Variants in RICTOR observed in about 807,000 individuals in gnomAD.
RICTOR encodes the protein RPTOR independent companion of MTOR complex 2.
RICTOR carries 49 observed loss-of-function variants against 214.9 expected under a neutral mutation model. That is an observed-to-expected ratio of 0.23 (90% CI 0.18 to 0.29). RICTOR has a LOEUF of 0.29. RICTOR is among the 10% of genes least tolerant of loss of function. RICTOR has a pLI of 1.00. For synonymous variants in RICTOR, 717 were observed against 711.3 expected (o/e 1.01, Z -0.13); for missense variants, 1,625 against 2,047.0 (o/e 0.79, Z 3.98).
chr5:39,073,338 G>A (rs1324808691), intron 2 of RICTOR, among the ~76,000 whole-genome samples: 1 of 152,196 alleles, frequency 6.6e-6, no homozygotes, highest in Non-Finnish European at 1.5e-5. Flanking sequence ...CTCTAGTACT[G>A]TAAGTGATAG....
At chr5:38,965,855 TA>T (rs1225306838) in intron 15 of RICTOR, among the ~76,000 whole-genome samples, 2 of 152,090 alleles carry the variant, frequency 1.3e-5, no homozygotes, top group Non-Finnish European at 2.9e-5. Context: ...AAACATCTGC[TA>T]AAAATAGCAA....
intron 3 of RICTOR, among the ~76,000 whole-genome samples, chr5:39,013,911 T>C (rs570339190): frequency 6.6e-6 from 1 of 152,242 alleles, no homozygotes; most frequent in Non-Finnish European, 1.5e-5. Context: ...TCTACAGTCA[T>C]GCACTGCATA....
At chr5:39,004,234 A>G (rs1439747093) in intron 3 of RICTOR, among the ~76,000 whole-genome samples, 1 of 151,900 alleles carries the variant, frequency 6.6e-6, no homozygotes, top group African/African-American at 2.4e-5. Context: ...TTAGTGTTTT[A>G]ATTTTAGACC....
intron 7 of RICTOR, among the ~76,000 whole-genome samples, chr5:38,990,517 T>TATATACACG (rs879859063): frequency 0.077 from 11,368 of 146,792 alleles, 680 homozygotes; most frequent in East Asian, 0.17. Context: ...ATATACACGA[T>TATATACACG]ATATATACGA....
intron 7 of RICTOR, among the ~76,000 whole-genome samples, chr5:38,987,648 C>T (rs1752276066): frequency 6.6e-6 from 1 of 151,868 alleles, no homozygotes; most frequent in Non-Finnish European, 1.5e-5. Flanking sequence ...TTAATCTTTT[C>T]AAAAAACCAG....
chr5:38,955,540 AT>A, intron 26 of RICTOR, 54 bp downstream of exon 26: 1 of 950,884 alleles, frequency 1.1e-6, no homozygotes, highest in Non-Finnish European at 1.7e-6. Flanking sequence ...AAACTCAGAA[AT>A]GTTAAAAATA....
intron 2 of RICTOR, among the ~76,000 whole-genome samples, chr5:39,036,879 C>T: frequency 6.6e-6 from 1 of 152,140 alleles, no homozygotes; most frequent in Non-Finnish European, 1.5e-5. Flanking sequence ...GAGACTTTAG[C>T]ACCCCACTGT....
Position 38,960,429 on chromosome 5 carries a change from T to C in RICTOR, c.1820A>G (p.Gln607Arg), listed in dbSNP as rs1434988459. Reference protein sequence around the residue: ...KAKQLTVVGCQFTEFLLESEE... With the variant: ...KAKQLTVVGCRFTEFLLESEE... ...AGATTCAAGAAGAAATTCTGTAAAC[T>C]GGCAACCTACAACCGTGAGCTGTTT... The change falls in exon 20 of 38, where the codon CAG becomes CGG. Residue 607 changes from glutamine to arginine, a missense_variant. Coordinates refer to ENST00000357387, the MANE Select transcript of RICTOR (RefSeq NM_152756.5). 2 of 1,613,884 alleles carry C rather than the reference T, an allele frequency of 1.2e-6. No homozygotes were observed. The highest frequency in any genetic ancestry group is 2.2e-5 in the East Asian group (1 of 44,870).
intron 3 of RICTOR, among the ~76,000 whole-genome samples, chr5:39,015,846 T>G (rs565021325): frequency 5.3e-5 from 8 of 152,136 alleles, no homozygotes; most frequent in Non-Finnish European, 1.2e-4. Context: ...TGTCAGGCAC[T>G]AGACTGAGAC....
chr5:39,045,411 A>C (rs1023411082), intron 2 of RICTOR, among the ~76,000 whole-genome samples: 2 of 152,150 alleles, frequency 1.3e-5, no homozygotes, highest in African/African-American at 4.8e-5. Context: ...AAAATAACTA[A>C]AAGCAATTAT....
chr5:39,070,962 T>C (rs1759278815), intron 2 of RICTOR, among the ~76,000 whole-genome samples: 1 of 152,196 alleles, frequency 6.6e-6, no homozygotes, highest in Admixed American at 6.5e-5. Flanking sequence ...CCATTACCAA[T>C]ACGCTGACTG....
chr5:38,939,439 TAGGG>T lies in RICTOR; in HGVS notation c.*2861_*2864del, dbSNP rs1747297962. 1 of 232,098 alleles carries T rather than the reference TAGGG, an allele frequency of 4.3e-6. No homozygotes were observed. The highest frequency in any genetic ancestry group is 8.5e-6 in the Non-Finnish European group (1 of 117,448). The allele number at this position is 232,098 out of a possible 1,614,324, so 14.4% of individuals were successfully genotyped here. A position where few individuals can be genotyped will look rare whatever the true frequency, so the allele number is the denominator to read the frequency against. ...TAATCGTTATTAGAAAAAATTTAAT[TAGGG>T]AGAACAGACTGTTTCCCCCTTCCAA... is the stretch of plus-strand genomic sequence containing the variant. On this transcript the variant is annotated 3_prime_UTR_variant, in exon 38 of 38. Coordinates refer to ENST00000357387, the MANE Select transcript of RICTOR (RefSeq NM_152756.5).
chr5:39,042,770 T>C (rs147011405), intron 2 of RICTOR, among the ~76,000 whole-genome samples: 2 of 152,358 alleles, frequency 1.3e-5, no homozygotes, highest in African/African-American at 4.8e-5. Flanking sequence ...ATTTGTTGAA[T>C]AAATGAACTT....
At position 38,942,946 on chromosome 5, in the gene RICTOR, A is replaced by G; in HGVS notation, c.4939T>C (p.Phe1647Leu). Reference protein sequence around the residue: ...LTIKEKYPQTFDDICLYSEVS... With the variant: ...LTIKEKYPQTLDDICLYSEVS... ...TCAGAGTAAAGGCATATGTCATCAAATGTTTGAGGATACTTCTCCTTAATT... is the reference window on the plus strand; with the variant it reads ...TCAGAGTAAAGGCATATGTCATCAAGTGTTTGAGGATACTTCTCCTTAATT... The change falls in exon 37 of 38, where the codon TTT (phenylalanine) becomes CTT (leucine). Residue 1647 changes from phenylalanine to leucine, a missense_variant. This residue lies in a region of RICTOR where 44 missense variants were observed against 90.1 expected (regional missense o/e 0.49). Transcript: ENST00000357387. 6.2e-7 allele frequency: 1 copy of G among 1,605,742 alleles called. No homozygotes were observed. The highest frequency in any genetic ancestry group is 8.5e-7 in the Non-Finnish European group (1 of 1,172,394).
At chr5:39,022,561 A>G (rs1755511390) in intron 2 of RICTOR, 1 of 153,134 alleles carries the variant, frequency 6.5e-6, no homozygotes, top group Non-Finnish European at 1.5e-5. Flanking sequence ...TGTTGCAGCT[A>G]AAGGCCTGGC....
At chr5:39,014,921 C>G (rs571775927) in intron 3 of RICTOR, among the ~76,000 whole-genome samples, 3 of 152,256 alleles carry the variant, frequency 2.0e-5, no homozygotes, top group Admixed American at 6.5e-5. Flanking sequence ...AACAACAAAA[C>G]AAATGCCAGT....
At chr5:39,055,512 C>T (rs1758146083) in intron 2 of RICTOR, among the ~76,000 whole-genome samples, 3 of 142,762 alleles carry the variant, frequency 2.1e-5, no homozygotes, top group African/African-American at 7.9e-5. Context: ...ACTGTGTTCT[C>T]CCCCCTAGAC....
At chr5:39,056,974 A>C (rs1758246434) in intron 2 of RICTOR, among the ~76,000 whole-genome samples, 2 of 152,208 alleles carry the variant, frequency 1.3e-5, no homozygotes. Context: ...ATATAGTGGC[A>C]ATTTATTTAA....
intron 3 of RICTOR, among the ~76,000 whole-genome samples, chr5:39,013,692 G>T (rs116334019): frequency 6.6e-6 from 1 of 151,812 alleles, no homozygotes. Context: ...CTTTTACATG[G>T]CAATTTAGAC....
Sources: allele counts gnomAD v4.1 joint callset (sites outside exome capture counted in the v4.1 genomes callset), GRCh38; gene constraint gnomAD v4.1.1; regional missense constraint gnomAD v4.1.1; transcripts MANE v1.5; gene names NCBI Gene and HGNC (gene_info 2026-07-23, HGNC 2026-07-21).